SGCD: variants seen among roughly 807,000 people sequenced by gnomAD.
The protein encoded by SGCD is delta-sarcoglycan.
A neutral mutation model predicts 36.6 loss-of-function variants in SGCD; 18 were observed. That is an observed-to-expected ratio of 0.49 (90% CI 0.34 to 0.73). The LOEUF is 0.73. Among genes scored for constraint, SGCD ranks in the 30% least tolerant of loss-of-function variants. SGCD has a pLI of 0.01. For synonymous variants in SGCD, 133 were observed against 130.6 expected (o/e 1.02, Z -0.12); for missense variants, 387 against 346.7 (o/e 1.12, Z -0.92).
At chr5:156,594,881 C>A in intron 5 of SGCD, 51 bp from the exon 6 acceptor site, 2 of 1,192,850 alleles carry the variant, frequency 1.7e-6, no homozygotes, top group Non-Finnish European at 2.4e-6. Context: ...TGTTTTCTCT[C>A]TCTCTCTCTC....
At chr5:155,964,870 C>T (rs904849609) in intron 1 of SGCD, among the ~76,000 whole-genome samples, 25 of 152,242 alleles carry the variant, frequency 1.6e-4, no homozygotes, top group East Asian at 1.9e-4. Flanking sequence ...GGTCATTCAA[C>T]GCCTGCATGT....
chr5:156,061,571 C>A (rs1444180008), intron 1 of SGCD, among the ~76,000 whole-genome samples: 1 of 145,850 alleles, frequency 6.9e-6, no homozygotes, highest in African/African-American at 2.5e-5. Context: ...ATGAATTGGA[C>A]CCCTCAATGG....
At chr5:156,323,226 C>T (rs1310264554), upstream of SGCD, among the ~76,000 whole-genome samples, 2 of 152,132 alleles carry the variant, frequency 1.3e-5, no homozygotes, top group Non-Finnish European at 2.9e-5. Flanking sequence ...AGTATAGCTT[C>T]TGAATGAGAG....
intron 3 of SGCD, among the ~76,000 whole-genome samples, chr5:156,158,463 G>T (rs1379888393): frequency 6.6e-6 from 1 of 151,590 alleles, no homozygotes; most frequent in Non-Finnish European, 1.5e-5. Flanking sequence ...TCTGGGCCTT[G>T]AAACAGCTGA....
At chr5:156,334,609 CTTT>C (rs35767339) in intron 2 of SGCD, among the ~76,000 whole-genome samples, 10 of 105,062 alleles carry the variant, frequency 9.5e-5, no homozygotes, top group East Asian at 6.0e-4. Context: ...GGTCTATTTT[CTTT>C]TTTTTTTTTT....
intron 3 of SGCD, among the ~76,000 whole-genome samples, chr5:156,276,317 G>T (rs533767115): frequency 2.6e-5 from 4 of 152,250 alleles, no homozygotes; most frequent in South Asian, 4.1e-4. Flanking sequence ...TCAAAATTAT[G>T]AAAGAAGACT....
At chr5:156,095,571 G>C (rs747051037) in intron 1 of SGCD, among the ~76,000 whole-genome samples, 2 of 152,140 alleles carry the variant, frequency 1.3e-5, no homozygotes, top group Non-Finnish European at 2.9e-5. Context: ...GGTTATGAGA[G>C]GTACTTTGGG....
intron 6 of SGCD, among the ~76,000 whole-genome samples, chr5:156,600,240 A>G (rs1561805700): frequency 6.6e-6 from 1 of 152,170 alleles, no homozygotes; most frequent in Admixed American, 6.5e-5. Flanking sequence ...CTCCTGCACA[A>G]TAGAACACCA....
At chr5:156,121,049 G>C (rs185442977) in intron 2 of SGCD, among the ~76,000 whole-genome samples, 2 of 152,200 alleles carry the variant, frequency 1.3e-5, no homozygotes, top group East Asian at 3.9e-4. Flanking sequence ...CAGGAATGTG[G>C]GGGCAGCTGG....
intron 3 of SGCD, among the ~76,000 whole-genome samples, chr5:156,421,775 C>T (rs12163943): frequency 0.67 from 101,447 of 151,860 alleles, 34,486 homozygotes; most frequent in Middle Eastern, 0.88. Flanking sequence ...GGGGGAATTC[C>T]TTCACTTACT....
intron 4 of SGCD, among the ~76,000 whole-genome samples, chr5:156,539,540 T>C (rs755631105): frequency 6.6e-6 from 1 of 152,094 alleles, no homozygotes; most frequent in Non-Finnish European, 1.5e-5. Flanking sequence ...TTACTTCACT[T>C]AGAATAATGG....
intron 3 of SGCD, among the ~76,000 whole-genome samples, chr5:156,149,584 C>A (rs1402404796): frequency 1.3e-5 from 2 of 152,144 alleles, no homozygotes; most frequent in Admixed American, 6.5e-5. Flanking sequence ...AGAACAGACT[C>A]TTTTACACTT....
At chr5:155,880,228 T>G (rs1376117699) in intron 1 of SGCD, among the ~76,000 whole-genome samples, 1 of 152,204 alleles carries the variant, frequency 6.6e-6, no homozygotes, top group African/African-American at 2.4e-5. Flanking sequence ...TGGATGATGG[T>G]CATGCATGTT....
chr5:155,923,611 C>T (rs987136671), intron 1 of SGCD, among the ~76,000 whole-genome samples: 19 of 152,180 alleles, frequency 1.2e-4, no homozygotes, highest in African/African-American at 4.3e-4. Flanking sequence ...AATGTGACAG[C>T]AACTACCAAC....
chr5:155,744,772 G>T, the SGCD span, among the ~76,000 whole-genome samples: 2 of 152,270 alleles, frequency 1.3e-5, no homozygotes, highest in Admixed American at 6.5e-5. Context: ...TGAAAAGTTT[G>T]TTCGATGTTT....
intron 1 of SGCD, among the ~76,000 whole-genome samples, chr5:156,048,805 C>T (rs1759842553): frequency 1.3e-5 from 2 of 152,064 alleles, no homozygotes; most frequent in South Asian, 2.1e-4. Context: ...GTTTCTTTTG[C>T]TGCGCAGAAG....
At position 156,284,592 on chromosome 5, in the gene SGCD, T is replaced by A. The variant is rs927146168; in HGVS notation, c.-43-44942T>A. ...AAAACCATATCATTATCTCAATAGA[T>A]GCAGAAAAGGCCTTTGACAAAATTC... On this transcript the variant is annotated intron_variant, in intron 3 of 9. Transcript: ENST00000517913. Among the ~76,000 whole-genome samples the A allele has an allele frequency of 2.0e-5, 3 of 152,208 alleles. 1 individual carries two copies. The highest frequency in any genetic ancestry group is 4.4e-5 in the Non-Finnish European group (3 of 68,050).
At chr5:155,811,628 G>C in the SGCD span, among the ~76,000 whole-genome samples, 1 of 152,142 alleles carries the variant, frequency 6.6e-6, no homozygotes, top group Non-Finnish European at 1.5e-5. Flanking sequence ...GCGGGATCTG[G>C]CCAGCAGCCC....
At chr5:155,946,961 G>A (rs74641578) in intron 1 of SGCD, among the ~76,000 whole-genome samples, 2,056 of 152,288 alleles carry the variant, frequency 0.014, 50 homozygotes, top group African/African-American at 0.046. Context: ...ATAGAACCTG[G>A]CAGGAAAGAT....
Sources: allele counts gnomAD v4.1 joint callset (sites outside exome capture counted in the v4.1 genomes callset), GRCh38; gene constraint gnomAD v4.1.1; transcripts MANE v1.5; gene names NCBI Gene and HGNC (gene_info 2026-07-23, HGNC 2026-07-21).